RAI14: variants seen among roughly 807,000 people sequenced by gnomAD.
The protein encoded by RAI14 is retinoic acid induced 14.
A neutral mutation model predicts 115.4 loss-of-function variants in RAI14; 45 were observed. The observed-to-expected ratio is 0.39, with a 90% CI of 0.31 to 0.50. The LOEUF is 0.50. Ranked by LOEUF, RAI14 falls within the 20% of genes least tolerant of loss-of-function variation. The pLI, the probability that RAI14 is intolerant of heterozygous loss-of-function variation, is 0.85. For synonymous variants in RAI14, 371 were observed against 415.4 expected (o/e 0.89, Z 1.30); for missense variants, 939 against 1,131.2 (o/e 0.83, Z 2.44).
Position 34,666,195 on chromosome 5 carries a change from C to T in RAI14, c.-49+9720C>T, listed in dbSNP as rs1028471807. On this transcript the variant is annotated intron_variant, in intron 1 of 17. Transcript: ENST00000265109. Reference sequence around the variant, plus strand: ...CCCCACCTGACAATTCTTGTAGTCTCACAGGAGATGTCCTGCGCCCCACTT... The same window carrying T: ...CCCCACCTGACAATTCTTGTAGTCTTACAGGAGATGTCCTGCGCCCCACTT... Among the ~76,000 whole-genome samples the T allele has an allele frequency of 6.6e-5, 10 of 152,002 alleles. No individual in the cohort carries two copies. In the East Asian group the frequency reaches 1.9e-3, roughly 29 times the overall value.
At chr5:34,760,174 G>A (rs1227155763) in intron 3 of RAI14, among the ~76,000 whole-genome samples, 1 of 151,954 alleles carries the variant, frequency 6.6e-6, no homozygotes. Context: ...TCAGCCTCCC[G>A]AGTAGCTGGG....
chr5:34,697,160 A>C (rs953081232), intron 2 of RAI14, among the ~76,000 whole-genome samples: 11 of 129,496 alleles, frequency 8.5e-5, no homozygotes, highest in Non-Finnish European at 1.2e-4. Flanking sequence ...AAAAAGGCCA[A>C]GTGCGGTGGC....
intron 3 of RAI14, among the ~76,000 whole-genome samples, chr5:34,758,894 T>C (rs1580159148): frequency 6.6e-6 from 1 of 152,190 alleles, no homozygotes; most frequent in East Asian, 1.9e-4. Context: ...CCCAGGTTTA[T>C]AGTATGCCTC....
At chr5:34,742,884 G>A (rs1745698748) in intron 2 of RAI14, among the ~76,000 whole-genome samples, 1 of 152,104 alleles carries the variant, frequency 6.6e-6, no homozygotes, top group Non-Finnish European at 1.5e-5. Context: ...AGGCGGTCTT[G>A]AACTCCTGAC....
chr5:34,828,640 C>T (rs1757698078), intron 16 of RAI14, among the ~76,000 whole-genome samples: 1 of 152,014 alleles, frequency 6.6e-6, no homozygotes, highest in Non-Finnish European at 1.5e-5. Context: ...TTGAAGTAAT[C>T]CATATATGAT....
chr5:34,789,007 T>A (rs1752630160), intron 3 of RAI14, among the ~76,000 whole-genome samples: 1 of 152,122 alleles, frequency 6.6e-6, no homozygotes, highest in Non-Finnish European at 1.5e-5. Context: ...GACAAGTAAG[T>A]TTTATCAACT....
At position 34,812,226 on chromosome 5, in the gene RAI14, A is replaced by G; in HGVS notation, c.765+18A>G. On this transcript the variant is annotated intron_variant, in intron 10 of 17. Coordinates refer to ENST00000265109, the MANE Select transcript of RAI14 (RefSeq NM_015577.3). ...CAAAGCAGGTATTTATCTTTGGGGGAGGCTTCTATGTTTCATTTATGCTTG... is the reference window on the plus strand; with the variant it reads ...CAAAGCAGGTATTTATCTTTGGGGGGGGCTTCTATGTTTCATTTATGCTTG... 1 of 1,571,246 alleles carries G rather than the reference A, an allele frequency of 6.4e-7. No individual in the cohort carries two copies. Among genetic ancestry groups the G allele is most frequent in the Non-Finnish European group, 8.7e-7 (1 of 1,148,386 alleles).
intron 2 of RAI14, among the ~76,000 whole-genome samples, chr5:34,732,619 A>G (rs1744344223): frequency 6.6e-6 from 1 of 151,418 alleles, no homozygotes; most frequent in Non-Finnish European, 1.5e-5. Context: ...TTGTGTTTTT[A>G]GTAGAGATGG....
intron 2 of RAI14, among the ~76,000 whole-genome samples, chr5:34,727,431 A>G (rs962100891): frequency 1.3e-5 from 2 of 152,246 alleles, no homozygotes; most frequent in Non-Finnish European, 2.9e-5. Context: ...AAATTTGCAT[A>G]AGTAACAAGA....
At chr5:34,691,161 A>G (rs1738544352) in intron 2 of RAI14, among the ~76,000 whole-genome samples, 1 of 152,110 alleles carries the variant, frequency 6.6e-6, no homozygotes, top group South Asian at 2.1e-4. Context: ...AGAGGGGGAA[A>G]GGTCAGAAGG....
At chr5:34,794,215 G>C (rs1561042654) in intron 3 of RAI14, among the ~76,000 whole-genome samples, 3 of 152,134 alleles carry the variant, frequency 2.0e-5, no homozygotes, top group African/African-American at 7.2e-5. Context: ...ATGAGGTCAG[G>C]AGTTTGAGAC....
rs749635636 is a variant in RAI14 at position 34,688,257 on chromosome 5, A to G, written c.36+1302A>G. The G allele has an allele frequency of 7.8e-6, 12 of 1,547,392 alleles. No individual in the cohort carries two copies. In the African/African-American group the frequency reaches 1.6e-4, roughly 21 times the overall value. On this transcript the variant is annotated intron_variant, in intron 2 of 17. Coordinates refer to ENST00000265109, the MANE Select transcript of RAI14 (RefSeq NM_015577.3). Reference sequence around the variant, plus strand: ...CAGCTAAGGAGAAAAAGGCAATTAAATGGAAAATGTTGCCCAATTCAGCAG... The same window carrying G: ...CAGCTAAGGAGAAAAAGGCAATTAAGTGGAAAATGTTGCCCAATTCAGCAG...
At chr5:34,756,240 C>T (rs1747858620) in intron 2 of RAI14, among the ~76,000 whole-genome samples, 1 of 152,162 alleles carries the variant, frequency 6.6e-6, no homozygotes, top group Non-Finnish European at 1.5e-5. Flanking sequence ...GGAACATACT[C>T]CCGGGGCCGT....
chr5:34,819,421 T>C (rs925640314), intron 13 of RAI14, among the ~76,000 whole-genome samples: 2 of 152,180 alleles, frequency 1.3e-5, no homozygotes, highest in African/African-American at 4.8e-5. Context: ...CATTATTTCA[T>C]GAAGGGAGAA....
chr5:34,693,316 A>C (rs1579929634), intron 2 of RAI14, among the ~76,000 whole-genome samples: 1 of 152,206 alleles, frequency 6.6e-6, no homozygotes, highest in East Asian at 1.9e-4. Flanking sequence ...CTGAGCTGGC[A>C]CTGTCATAGA....
intron 12 of RAI14, among the ~76,000 whole-genome samples, chr5:34,816,827 G>A (rs981646439): frequency 1.3e-5 from 2 of 151,936 alleles, no homozygotes; most frequent in African/African-American, 2.4e-5. Context: ...ATATGACTGT[G>A]CCTCAAAGAA....
chr5:34,830,537 G>A, intron 17 of RAI14, 151 bp from the exon 18 acceptor site: 1 of 1,368,370 alleles, frequency 7.3e-7, no homozygotes, highest in Non-Finnish European at 9.7e-7. Flanking sequence ...GTTCCTCATA[G>A]AAATTTGGGA....
chr5:34,824,266 G>A lies in RAI14; in HGVS notation c.2424G>A (p.Lys808=), dbSNP rs1757215324. The A allele has an allele frequency of 6.2e-7, 1 of 1,614,038 alleles. No homozygotes were observed. Among genetic ancestry groups the A allele is most frequent in the African/African-American group, 1.3e-5 (1 of 74,900 alleles). The stretch of plus-strand genomic sequence containing the variant: ...TGAGTGTGTTGGCATCGAAATTAAA[G>A]GAATCTGTGAAAGAGAAAGAGAAGG... ...SEVSVLASKL[K]ESVKEKEKVH... is the part of the protein sequence containing the mutation. Residue 808 remains lysine (K), a synonymous_variant, in exon 15 of 18, where the codon AAG becomes AAA. Coordinates refer to ENST00000265109, the MANE Select transcript of RAI14 (RefSeq NM_015577.3).
rs1008285378 is a variant in RAI14 at position 34,798,059 on chromosome 5, G to A, written c.256+2032G>A. 4.6e-5 allele frequency among the ~76,000 whole-genome samples: 7 copies of A among 152,002 alleles called. No homozygotes were observed. In the East Asian group the frequency reaches 7.7e-4, roughly 17 times the overall value. ...TTTTTTGTTTGTTTGTTTTTGAGAC[G>A]GAGTCTTGCTCTGTTGCCCAGGCTG... is the stretch of plus-strand genomic sequence containing the variant. On this transcript the variant is annotated intron_variant, in intron 4 of 17. Coordinates refer to ENST00000265109, the MANE Select transcript of RAI14 (RefSeq NM_015577.3).
Sources: allele counts gnomAD v4.1 joint callset (sites outside exome capture counted in the v4.1 genomes callset), GRCh38; gene constraint gnomAD v4.1.1; transcripts MANE v1.5; gene names NCBI Gene and HGNC (gene_info 2026-07-23, HGNC 2026-07-21).